The following AAMDC variants were observed in gnomAD, a reference collection of about 807,000 sequenced individuals.
The protein encoded by AAMDC is mth938 domain-containing protein.
In AAMDC, 16 loss-of-function variants were observed where a neutral mutation model predicts 15.5. The ratio of observed to expected loss-of-function variants is 1.03; its 90% CI spans 0.70 to 1.57. The LOEUF is 1.57. AAMDC is among the 40% of genes most tolerant of loss of function. The probability of loss-of-function intolerance (pLI) is 0.00; values close to 1 mark genes in which losing one functional copy is unlikely to be tolerated. For missense variants in AAMDC, 141 were observed against 144.9 expected (o/e 0.97, Z 0.14); for synonymous variants, 51 against 51.6 (o/e 0.99, Z 0.05).
At chr11:77,895,527 GAAAAAAAAAAAAAAAAAAAA>G (rs71046921) in intron 5 of AAMDC, among the ~76,000 whole-genome samples, 6 of 39,234 alleles carry the variant, frequency 1.5e-4, no homozygotes, top group Admixed American at 4.2e-4. Flanking sequence ...TTCTTTTCCT[GAAAAAAAAAAAAAAAAAAAA>G]AAAAAAAAAA....
chr11:77,879,066 T>C (rs1951690816), intron 5 of AAMDC: 1 of 1,614,044 alleles, frequency 6.2e-7, no homozygotes, highest in Admixed American at 1.7e-5. Flanking sequence ...TCCAGGGGCA[T>C]TTTGGAATGC....
intron 2 of AAMDC, among the ~76,000 whole-genome samples, chr11:77,858,252 T>G (rs1950714684): frequency 6.7e-6 from 1 of 149,126 alleles, no homozygotes; most frequent in Admixed American, 6.7e-5. Flanking sequence ...TGGAGTGCAG[T>G]TGTGCAATCT....
intron 5 of AAMDC, among the ~76,000 whole-genome samples, chr11:77,897,740 C>T (rs1347768925): frequency 1.3e-5 from 2 of 151,908 alleles, no homozygotes; most frequent in Non-Finnish European, 2.9e-5. Flanking sequence ...CTCCTGACCT[C>T]GTGATCCACC....
intron 2 of AAMDC, among the ~76,000 whole-genome samples, chr11:77,865,303 G>A (rs998145830): frequency 1.3e-5 from 2 of 152,160 alleles, no homozygotes; most frequent in African/African-American, 4.8e-5. Context: ...ATAAATTATT[G>A]TGGCCAGTCC....
intron 2 of AAMDC, among the ~76,000 whole-genome samples, chr11:77,857,333 G>A (rs1397147037): frequency 6.6e-6 from 1 of 152,182 alleles, no homozygotes; most frequent in Non-Finnish European, 1.5e-5. Flanking sequence ...GTAAACAATG[G>A]TAACTAGCTT....
chr11:77,879,685 T>G (rs567831013), intron 5 of AAMDC, among the ~76,000 whole-genome samples: 1 of 152,180 alleles, frequency 6.6e-6, no homozygotes, highest in African/African-American at 2.4e-5. Context: ...TCTTACGATA[T>G]AATCATCTAG....
chr11:77,887,358 G>A (rs1344965837), intron 5 of AAMDC, among the ~76,000 whole-genome samples: 1 of 152,172 alleles, frequency 6.6e-6, no homozygotes, highest in Non-Finnish European at 1.5e-5. Context: ...AAAGGCCTTT[G>A]ACAAAATTCA....
intron 1 of AAMDC, among the ~76,000 whole-genome samples, chr11:77,822,983 A>C (rs1948989229): frequency 6.6e-6 from 1 of 152,186 alleles, no homozygotes; most frequent in South Asian, 2.1e-4. Flanking sequence ...TGGGAGGTCG[A>C]GACGGGCGGG....
intron 2 of AAMDC, 32 bp downstream of exon 2, chr11:77,842,660 G>A: frequency 6.2e-7 from 1 of 1,604,566 alleles, no homozygotes; most frequent in East Asian, 2.2e-5. Context: ...GATACTACAT[G>A]AGGCTGACCA....
chr11:77,876,920 G>A (rs1850740435), downstream of AAMDC: 1 of 701,944 alleles, frequency 1.4e-6, no homozygotes, highest in Non-Finnish European at 2.6e-6. Context: ...GGCTCAGGCA[G>A]CAGCCATGGT....
At position 77,842,339 on chromosome 11, in the gene AAMDC, C is replaced by T. The variant is rs531096579; in HGVS notation, c.-18-140C>T. 10 of 781,164 alleles carry T rather than the reference C, an allele frequency of 1.3e-5. No homozygotes were observed. In the South Asian group the frequency reaches 2.1e-4, roughly 16 times the overall value. 48.4% of individuals were successfully genotyped at this position (781,164 alleles called of 1,614,324 possible). Reference sequence around the variant, plus strand: ...CAGGAATAATAGTTACTTTTTAGACCTCTAAAGAAGAAGTAACAACCACGT... The same window carrying T: ...CAGGAATAATAGTTACTTTTTAGACTTCTAAAGAAGAAGTAACAACCACGT... On this transcript the variant is annotated intron_variant, in intron 1 of 3. Transcript: ENST00000393427.
At chr11:77,894,095 T>C (rs1423590743) in intron 5 of AAMDC, among the ~76,000 whole-genome samples, 1 of 152,110 alleles carries the variant, frequency 6.6e-6, no homozygotes, top group Non-Finnish European at 1.5e-5. Context: ...TCAAAGAAGT[T>C]TCTATAACAT....
At chr11:77,841,064 A>G in intron 1 of AAMDC, 2 of 625,986 alleles carry the variant, frequency 3.2e-6, no homozygotes, top group African/African-American at 3.6e-5. Flanking sequence ...GCATCTGGTG[A>G]GAGCCTTCTT....
At chr11:77,826,252 C>T (rs1949166888) in intron 1 of AAMDC, among the ~76,000 whole-genome samples, 1 of 151,820 alleles carries the variant, frequency 6.6e-6, no homozygotes, top group Admixed American at 6.6e-5. Flanking sequence ...GTCCCAGCTA[C>T]TCGGGAGGCT....
chr11:77,879,890 G>A (rs1304736286), intron 5 of AAMDC, among the ~76,000 whole-genome samples: 1 of 152,070 alleles, frequency 6.6e-6, no homozygotes, highest in Admixed American at 6.5e-5. Flanking sequence ...AACCCCAAGA[G>A]TTCTTATCCT....
chr11:77,900,965 C>T (rs1952760586), downstream of AAMDC, among the ~76,000 whole-genome samples: 1 of 152,090 alleles, frequency 6.6e-6, no homozygotes, highest in South Asian at 2.1e-4. Flanking sequence ...AGGTTCATAA[C>T]CAAACAACTA....
rs1208174301 is a variant in AAMDC at position 77,832,997 on chromosome 11, GTA to G, written c.-18-9470_-18-9469del. Among the ~76,000 whole-genome samples, 140 of 76,198 alleles carry G rather than the reference GTA, an allele frequency of 1.8e-3. 18 individuals are homozygous for G. Among genetic ancestry groups the G allele is most frequent in the East Asian group, 4.6e-3 (12 of 2,588 alleles). 50.0% of individuals were successfully genotyped at this position (76,198 alleles called of 152,430 possible). A position where few individuals can be genotyped will look rare whatever the true frequency, so the allele number is the denominator to read the frequency against. On this transcript the variant is annotated intron_variant, in intron 1 of 3. Coordinates refer to ENST00000393427, the MANE Select transcript of AAMDC (RefSeq NM_024684.4). Reference sequence around the variant, plus strand: ...TGTGTGTGTGTGTGTGTGTGTGTGTGTATATATATATATTTTTTTTTTTTTTT... The same window carrying G: ...TGTGTGTGTGTGTGTGTGTGTGTGTGTATATATATATTTTTTTTTTTTTTT...
At chr11:77,827,798 C>T (rs1949246879) in intron 1 of AAMDC, among the ~76,000 whole-genome samples, 1 of 152,104 alleles carries the variant, frequency 6.6e-6, no homozygotes, top group Admixed American at 6.6e-5. Flanking sequence ...AAATAAAAGG[C>T]ATCCAGATTG....
At chr11:77,849,575 G>C (rs1950288094) in intron 2 of AAMDC, among the ~76,000 whole-genome samples, 1 of 151,492 alleles carries the variant, frequency 6.6e-6, no homozygotes, top group African/African-American at 2.4e-5. Flanking sequence ...GCTTAGGTTG[G>C]TTCAAACTCC....
Sources: allele counts gnomAD v4.1 joint callset (sites outside exome capture counted in the v4.1 genomes callset), GRCh38; gene constraint gnomAD v4.1.1; transcripts MANE v1.5; gene names NCBI Gene and HGNC (gene_info 2026-07-23, HGNC 2026-07-21).